The following PKNOX2 variants were observed in gnomAD, a reference collection of about 807,000 sequenced individuals.
PKNOX2 encodes homeobox protein PKNOX2.
In PKNOX2, 14 loss-of-function variants were observed where a neutral mutation model predicts 53.1. The observed-to-expected ratio is 0.26, with a 90% CI of 0.17 to 0.41. The LOEUF (loss-of-function observed/expected upper bound fraction) is 0.41, where lower values mean the gene tolerates loss of function less well. Ranked by LOEUF, PKNOX2 falls within the 10% of genes least tolerant of loss-of-function variation. PKNOX2 has a pLI of 1.00. For missense variants in PKNOX2, 496 were observed against 602.8 expected (o/e 0.82, Z 1.85); for synonymous variants, 257 against 242.8 (o/e 1.06, Z -0.54).
intron 6 of PKNOX2, among the ~76,000 whole-genome samples, chr11:125,395,860 C>A (rs1954354914): frequency 6.6e-6 from 1 of 152,022 alleles, no homozygotes; most frequent in African/African-American, 2.4e-5. Flanking sequence ...CAAATATTCT[C>A]CTCCAGTATG....
chr11:125,304,131 T>C lies in PKNOX2; in HGVS notation c.-129-27688T>C, dbSNP rs1479259394. ...TCCGGGAAACACCTCAGGGCCTCCA[T>C]AGGAAAGGCTGTTGGTGGGGAGGGG... On this transcript the variant is annotated intron_variant, in intron 2 of 12. Transcript: ENST00000298282. Among the ~76,000 whole-genome samples the C allele has an allele frequency of 4.6e-5, 7 of 152,032 alleles. No individual in the cohort carries two copies. The East Asian group carries it at 1.3e-3, about 29-fold the overall frequency.
intron 2 of PKNOX2, among the ~76,000 whole-genome samples, chr11:125,290,711 A>G (rs1591514866): frequency 6.6e-6 from 1 of 152,322 alleles, no homozygotes; most frequent in South Asian, 2.1e-4. Flanking sequence ...TGTCAGGAAT[A>G]GAGATAAAAT....
chr11:125,334,159 C>T (rs1157794891), intron 3 of PKNOX2, among the ~76,000 whole-genome samples: 1 of 152,190 alleles, frequency 6.6e-6, no homozygotes. Context: ...TTCTGGACTC[C>T]AGCTCCTTCT....
chr11:125,395,964 T>C (rs1591555505), intron 6 of PKNOX2, among the ~76,000 whole-genome samples: 1 of 151,736 alleles, frequency 6.6e-6, no homozygotes, highest in Middle Eastern at 3.4e-3. Context: ...TTTTTTTTTT[T>C]TTTTTTTTAG....
chr11:125,272,501 G>A (rs1404780784), intron 2 of PKNOX2, among the ~76,000 whole-genome samples: 1 of 152,198 alleles, frequency 6.6e-6, no homozygotes, highest in South Asian at 2.1e-4. Context: ...TGGGGCCCAA[G>A]CTCAGATCTT....
chr11:125,274,701 A>G (rs560931609), intron 2 of PKNOX2, among the ~76,000 whole-genome samples: 1 of 152,092 alleles, frequency 6.6e-6, no homozygotes, highest in South Asian at 2.1e-4. Context: ...GCCTTTGTCT[A>G]CTCTCTTAGA....
At chr11:125,412,896 A>T (rs1472499478) in intron 10 of PKNOX2, among the ~76,000 whole-genome samples, 1 of 152,180 alleles carries the variant, frequency 6.6e-6, no homozygotes, top group Non-Finnish European at 1.5e-5. Flanking sequence ...CTGAACTGGG[A>T]GAGCCTTCAG....
intron 2 of PKNOX2, among the ~76,000 whole-genome samples, chr11:125,285,131 A>G (rs1946815448): frequency 1.3e-5 from 2 of 152,084 alleles, no homozygotes; most frequent in African/African-American, 4.8e-5. Context: ...CAATCAAGCC[A>G]TGGAGACTTG....
intron 5 of PKNOX2, among the ~76,000 whole-genome samples, chr11:125,377,062 G>T (rs548053743): frequency 2.0e-5 from 3 of 152,152 alleles, no homozygotes; most frequent in Non-Finnish European, 4.4e-5. Context: ...GGAGTAGATG[G>T]TGTCAGTGTT....
chr11:125,234,746 T>C (rs1270741298), intron 1 of PKNOX2, among the ~76,000 whole-genome samples: 1 of 152,174 alleles, frequency 6.6e-6, no homozygotes, highest in Non-Finnish European at 1.5e-5. Context: ...TGAGGCTTTT[T>C]TTCTCCTCTG....
chr11:125,373,582 G>T (rs1022927538), intron 5 of PKNOX2, among the ~76,000 whole-genome samples: 1 of 152,252 alleles, frequency 6.6e-6, no homozygotes, highest in African/African-American at 2.4e-5. Context: ...GGTGTCAGCC[G>T]CTGTTGGATG....
At chr11:125,229,230 C>T (rs899746186) in intron 1 of PKNOX2, among the ~76,000 whole-genome samples, 3 of 152,206 alleles carry the variant, frequency 2.0e-5, no homozygotes, top group Non-Finnish European at 4.4e-5. Context: ...CAGCAGGCAG[C>T]ATGAGTCAGC....
At chr11:125,196,122 T>A (rs1372075804) in intron 1 of PKNOX2, among the ~76,000 whole-genome samples, 1 of 152,128 alleles carries the variant, frequency 6.6e-6, no homozygotes, top group Non-Finnish European at 1.5e-5. Context: ...GAGGGGCGAC[T>A]TTTGCACACA....
chr11:125,314,106 G>C (rs1420767246), intron 2 of PKNOX2, among the ~76,000 whole-genome samples: 1 of 152,210 alleles, frequency 6.6e-6, no homozygotes, highest in Non-Finnish European at 1.5e-5. Flanking sequence ...ATGCAGGGCT[G>C]CGGAGCCCTG....
At chr11:125,343,792 G>A (rs1009388346) in intron 3 of PKNOX2, among the ~76,000 whole-genome samples, 1 of 152,158 alleles carries the variant, frequency 6.6e-6, no homozygotes, top group Non-Finnish European at 1.5e-5. Flanking sequence ...AAGAGGGCGC[G>A]GGAGCAGGGC....
chr11:125,224,071 C>T (rs537757947), intron 1 of PKNOX2, among the ~76,000 whole-genome samples: 7 of 152,352 alleles, frequency 4.6e-5, no homozygotes, highest in Admixed American at 6.5e-5. Flanking sequence ...TGCCCCTGGA[C>T]GCTGCTAGCT....
chr11:125,178,564 A>G (rs1323386356), intron 1 of PKNOX2, among the ~76,000 whole-genome samples: 7 of 106,402 alleles, frequency 6.6e-5, no homozygotes, highest in Non-Finnish European at 1.0e-4. Context: ...GAAGGAAGGA[A>G]CGAAGGAAGG....
intron 6 of PKNOX2, among the ~76,000 whole-genome samples, chr11:125,390,366 C>T (rs530607406): frequency 4.3e-4 from 65 of 152,308 alleles, no homozygotes; most frequent in African/African-American, 1.5e-3. Flanking sequence ...GTGACCACAC[C>T]CAAAGCAGCT....
intron 1 of PKNOX2, among the ~76,000 whole-genome samples, chr11:125,220,165 T>C (rs1301024048): frequency 1.3e-5 from 2 of 152,062 alleles, no homozygotes; most frequent in African/African-American, 2.4e-5. Flanking sequence ...AAAGTGTGTA[T>C]AAAAAGGGGA....
Sources: allele counts gnomAD v4.1 joint callset (sites outside exome capture counted in the v4.1 genomes callset), GRCh38; gene constraint gnomAD v4.1.1; transcripts MANE v1.5; gene names NCBI Gene and HGNC (gene_info 2026-07-23, HGNC 2026-07-21).